YARS1: variants seen among roughly 807,000 people sequenced by gnomAD.
YARS1 encodes tyrosine--tRNA ligase, cytoplasmic.
YARS1 carries 36 observed loss-of-function variants against 62.2 expected under a neutral mutation model. That is an observed-to-expected ratio of 0.58 (90% confidence interval 0.44 to 0.76). YARS1 has a LOEUF of 0.76. YARS1 is among the 30% of genes least tolerant of loss of function. YARS1 has a pLI of 0.00. For missense variants in YARS1, 524 were observed against 639.8 expected (o/e 0.82, Z 1.95); for synonymous variants, 234 against 244.9 (o/e 0.96, Z 0.42).
Position 32,816,800 on chromosome 1 carries a change from C to T in YARS1, c.57+388G>A, listed in dbSNP as rs1638751830. ...CCCTTTAAAGCTCCCAGTATAGCAT[C>T]TTCCAGTACTTACTTGAACCGTAAT... On this transcript the variant is annotated intron_variant, in intron 1 of 12. Coordinates refer to ENST00000373477, the MANE Select transcript of YARS1 (RefSeq NM_003680.4). 9 of 303,042 alleles carry T rather than the reference C, an allele frequency of 3.0e-5. No homozygotes were observed. In the South Asian group the frequency reaches 3.8e-4, roughly 13 times the overall value. 18.8% of individuals were successfully genotyped at this position (303,042 alleles called of 1,614,324 possible).
chr1:32,794,690 A>G (rs1425847863), intron 5 of YARS1, among the ~76,000 whole-genome samples: 2 of 148,840 alleles, frequency 1.3e-5, no homozygotes, highest in Non-Finnish European at 3.0e-5. Flanking sequence ...GCGCCCAGCC[A>G]AGGGATTTAA....
At chr1:32,786,699 C>G (rs1233131027) in intron 7 of YARS1, 1 of 700,228 alleles carries the variant, frequency 1.4e-6, no homozygotes, top group Non-Finnish European at 2.4e-6. Context: ...TGTCTGCCCC[C>G]ACCCTTACTT....
rs1282568422 is a variant in YARS1, at chr1:32,775,844, G to T, written c.*137C>A. 4 of 813,614 alleles carry T rather than the reference G, an allele frequency of 4.9e-6. No individual in the cohort carries two copies. Among genetic ancestry groups the T allele is most frequent in the Non-Finnish European group, 8.1e-6 (4 of 492,512 alleles). The allele number at this position is 813,614 out of a possible 1,614,324, so 50.4% of individuals were successfully genotyped here. The stretch of plus-strand genomic sequence containing the variant: ...TGGGGAGGGTAAGCTGCCCCTTGCC[G>T]AGTTCTGCACCGAATAAAGAGTCCA... On this transcript the variant is annotated 3_prime_UTR_variant, in exon 13 of 13. Transcript: ENST00000373477.
At chr1:32,794,837 C>T (rs1223209639) in intron 5 of YARS1, among the ~76,000 whole-genome samples, 1 of 151,610 alleles carries the variant, frequency 6.6e-6, no homozygotes, top group Non-Finnish European at 1.5e-5. Context: ...GAAACCCCAT[C>T]TCTACTAAAA....
intron 9 of YARS1, 165 bp downstream of exon 9, chr1:32,782,239 A>C (rs1321483863): frequency 1.7e-6 from 2 of 1,190,952 alleles, no homozygotes; most frequent in Non-Finnish European, 2.4e-6. Context: ...ACCAAACCCA[A>C]ATCAAAATGA....
intron 4 of YARS1, among the ~76,000 whole-genome samples, chr1:32,801,371 CTATTT>C (rs1311207599): frequency 6.6e-6 from 1 of 152,032 alleles, no homozygotes; most frequent in African/African-American, 2.4e-5. Flanking sequence ...ATACCGTAGT[CTATTT>C]AAAGTGTGTA....
chr1:32,808,268 G>A (rs1638507449), intron 3 of YARS1, among the ~76,000 whole-genome samples: 1 of 150,112 alleles, frequency 6.7e-6, no homozygotes, highest in Admixed American at 6.7e-5. Context: ...TGCCCAGGCT[G>A]GAGTGCAGTG....
intron 6 of YARS1, 53 bp downstream of exon 6, chr1:32,791,109 T>C: frequency 6.6e-7 from 1 of 1,505,234 alleles, no homozygotes; most frequent in Non-Finnish European, 9.2e-7. Context: ...CAGTCCTCAA[T>C]CTCTCCATTG....
intron 3 of YARS1, among the ~76,000 whole-genome samples, chr1:32,807,811 C>T (rs1359287793): frequency 6.6e-6 from 1 of 152,192 alleles, no homozygotes; most frequent in Non-Finnish European, 1.5e-5. Context: ...GGAAAACGTT[C>T]TGCCATTATC....
At chr1:32,781,025 G>A in intron 10 of YARS1, 23 bp downstream of exon 10, 5 of 1,609,606 alleles carry the variant, frequency 3.1e-6, no homozygotes, top group Non-Finnish European at 3.4e-6. Flanking sequence ...CTGCCTCTCT[G>A]AGATGTGGTG....
At chr1:32,779,997 C>T in intron 11 of YARS1, 88 bp downstream of exon 11, 5 of 1,487,580 alleles carry the variant, frequency 3.4e-6, no homozygotes, top group Non-Finnish European at 4.7e-6. Context: ...GAGCTTCCAC[C>T]TGGTGTGTGG....
At chr1:32,801,881 G>C (rs1638303708) in intron 4 of YARS1, among the ~76,000 whole-genome samples, 1 of 150,700 alleles carries the variant, frequency 6.6e-6, no homozygotes, top group Admixed American at 6.6e-5. Flanking sequence ...TTTATCATGA[G>C]ATTGCAGCAA....
At chr1:32,782,383 C>T (rs1653087783) in intron 9 of YARS1, 21 bp downstream of exon 9, 2 of 1,613,900 alleles carry the variant, frequency 1.2e-6, no homozygotes, top group Non-Finnish European at 1.7e-6. Context: ...ATGATGTCGG[C>T]CCCTCTCCAG....
In YARS1 at chr1:32,810,762, G is replaced by T. The variant is rs771657997; in HGVS notation, c.209C>A (p.Thr70Lys). 12 of 1,614,004 alleles carry T rather than the reference G, an allele frequency of 7.4e-6. No homozygotes were observed. Among genetic ancestry groups the T allele is most frequent in the Non-Finnish European group, 1.0e-5 (12 of 1,180,038 alleles). The change falls in exon 3 of 13, where the codon ACA (threonine) becomes AAA (lysine). Residue 70 changes from threonine (T) to lysine (K), a missense_variant. Physicochemically the swap from Thr to Lys is moderately conservative, Grantham distance 78 (BLOSUM62 -1). Transcript: ENST00000373477. ...ADFLKAGCEV[T>K]ILFADLHAYL... ...TGCGTGGAGGTCCGCAAACAGAATT[G>T]TTACCTGGACAAGAGATAAGGGGCC...
chr1:32,810,529 A>C, intron 3 of YARS1, 62 bp downstream of exon 3: 2 of 1,593,714 alleles, frequency 1.3e-6, no homozygotes, highest in Non-Finnish European at 1.7e-6. Context: ...CCTGGACTCC[A>C]CAGGCCTGTA....
In YARS1 at chr1:32,811,148, GT is replaced by G. The variant is rs1405612534; in HGVS notation, c.58-92del. The G allele has an allele frequency of 2.5e-6, 4 of 1,588,452 alleles. No individual in the cohort carries two copies. The East Asian group carries it at 8.9e-5, about 35-fold the overall frequency. ...ACAAGGAAAACAACAGCATGTGTCA[GT>G]GGAGATCCAGGCTCAGAGCCATCAA... On this transcript the variant is annotated intron_variant, in intron 1 of 12. Transcript: ENST00000373477.
At chr1:32,811,145 T>G in intron 1 of YARS1, 88 bp from the exon 2 acceptor site, 1 of 1,590,216 alleles carries the variant, frequency 6.3e-7, no homozygotes, top group Non-Finnish European at 8.6e-7. Context: ...ACAGCATGTG[T>G]CAGTGGAGAT....
chr1:32,804,096 T>C (rs9738094), intron 4 of YARS1, among the ~76,000 whole-genome samples: 2,989 of 152,300 alleles, frequency 0.02, 42 homozygotes, highest in Non-Finnish European at 0.029. Context: ...GCAGAAGAAT[T>C]TTTCTTAGTA....
intron 4 of YARS1, among the ~76,000 whole-genome samples, chr1:32,798,971 T>C (rs1653692248): frequency 6.6e-6 from 1 of 152,188 alleles, no homozygotes; most frequent in African/African-American, 2.4e-5. Flanking sequence ...GGGAGAGACA[T>C]GTAAACAGAT....
Sources: gnomAD v4.1 joint callset for allele counts (sites outside exome capture counted in the v4.1 genomes callset) on GRCh38, gnomAD v4.1.1 for gene constraint, MANE v1.5 for transcripts, NCBI Gene and HGNC (gene_info 2026-07-23, HGNC 2026-07-21) for gene names.